Variants in CNTNAP2 observed in about 807,000 individuals in gnomAD.
CNTNAP2 encodes the protein contactin associated protein 2.
In CNTNAP2, 98 loss-of-function variants were observed where a neutral mutation model predicts 155.2. The ratio of observed to expected loss-of-function variants is 0.63; its 90% CI spans 0.54 to 0.75. The LOEUF is 0.75. CNTNAP2 is among the 30% of genes least tolerant of loss of function. The probability of loss-of-function intolerance (pLI) is 0.00; values close to 1 mark genes in which losing one functional copy is unlikely to be tolerated. For synonymous variants in CNTNAP2, 651 were observed against 631.2 expected (o/e 1.03, Z -0.47); for missense variants, 1,727 against 1,688.1 (o/e 1.02, Z -0.40).
At chr7:148,064,758 A>T (rs1585106401) in intron 15 of CNTNAP2, among the ~76,000 whole-genome samples, 1 of 150,780 alleles carries the variant, frequency 6.6e-6, no homozygotes, top group East Asian at 1.9e-4. Flanking sequence ...ACAAAACACT[A>T]CTATCTTTTG....
chr7:146,861,368 C>T (rs1259941821), intron 3 of CNTNAP2, among the ~76,000 whole-genome samples: 2 of 152,076 alleles, frequency 1.3e-5, no homozygotes, highest in African/African-American at 4.8e-5. Context: ...TTTTCTTGAA[C>T]ACATTTTAAA....
intron 1 of CNTNAP2, among the ~76,000 whole-genome samples, chr7:146,439,720 G>T (rs979756359): frequency 3.3e-5 from 5 of 151,440 alleles, no homozygotes; most frequent in Admixed American, 1.3e-4. Context: ...AGTCACAAAG[G>T]TTCCAACTTG....
intron 18 of CNTNAP2, among the ~76,000 whole-genome samples, chr7:148,184,559 C>T (rs970093925): frequency 3.3e-5 from 5 of 152,334 alleles, no homozygotes; most frequent in African/African-American, 1.2e-4. Flanking sequence ...TTATGTGAAT[C>T]ATTTCTCAGC....
intron 13 of CNTNAP2, among the ~76,000 whole-genome samples, chr7:147,886,525 TC>T (rs34705063): frequency 0.21 from 29,406 of 142,662 alleles, 3,837 homozygotes; most frequent in African/African-American, 0.36. Flanking sequence ...AATCTCTCTC[TC>T]TCTTGAAGTC....
At chr7:147,061,642 G>A (rs1351328482) in intron 4 of CNTNAP2, among the ~76,000 whole-genome samples, 2 of 152,092 alleles carry the variant, frequency 1.3e-5, no homozygotes, top group African/African-American at 4.8e-5. Flanking sequence ...CCTCCTCCAC[G>A]ATTCAGTGAT....
chr7:147,853,556 A>G (rs139793330), intron 13 of CNTNAP2, among the ~76,000 whole-genome samples: 83 of 152,306 alleles, frequency 5.4e-4, no homozygotes, highest in Non-Finnish European at 8.5e-4. Flanking sequence ...TAGAAGCTCG[A>G]TTATATATGT....
At chr7:146,960,576 T>A (rs1797536355) in intron 3 of CNTNAP2, among the ~76,000 whole-genome samples, 2 of 152,202 alleles carry the variant, frequency 1.3e-5, no homozygotes. Flanking sequence ...GCAGCAATTG[T>A]CATACAAGGC....
intron 1 of CNTNAP2, among the ~76,000 whole-genome samples, chr7:146,356,508 T>C (rs771314086): frequency 6.6e-6 from 1 of 152,090 alleles, no homozygotes; most frequent in Non-Finnish European, 1.5e-5. Flanking sequence ...CTCTCAAACA[T>C]TGACATGAGA....
intron 1 of CNTNAP2, among the ~76,000 whole-genome samples, chr7:146,455,291 C>T (rs1418678219): frequency 6.6e-6 from 1 of 152,170 alleles, no homozygotes; most frequent in Non-Finnish European, 1.5e-5. Context: ...TCTGAGATCA[C>T]TTTATTCTTG....
rs1799123740 is a variant in CNTNAP2 at position 146,216,910 on chromosome 7, T to C, written c.97+99937T>C. ...TGAGTCATCCATAAAACTGGCAGAATAAAACTTCAGGAGTGGCTGTTGTAA... is the reference window on the plus strand; with the variant it reads ...TGAGTCATCCATAAAACTGGCAGAACAAAACTTCAGGAGTGGCTGTTGTAA... On this transcript the variant is annotated intron_variant, in intron 1 of 23. Transcript: ENST00000361727. Among the ~76,000 whole-genome samples, 2 of 152,214 alleles carry C rather than the reference T, an allele frequency of 1.3e-5. 1 individual carries two copies. Among genetic ancestry groups the C allele is most frequent in the Non-Finnish European group, 2.9e-5 (2 of 68,022 alleles).
intron 13 of CNTNAP2, among the ~76,000 whole-genome samples, chr7:147,839,227 C>T (rs1171355646): frequency 6.6e-6 from 1 of 152,130 alleles, no homozygotes; most frequent in East Asian, 1.9e-4. Flanking sequence ...CTTCCCCAGT[C>T]CATTGACTCA....
intron 17 of CNTNAP2, among the ~76,000 whole-genome samples, chr7:148,164,544 C>T (rs1349595820): frequency 6.6e-6 from 1 of 151,456 alleles, no homozygotes; most frequent in African/African-American, 2.4e-5. Context: ...CCAGTCCAGA[C>T]ACAGCCCTCC....
At chr7:147,930,262 A>G (rs1449908508) in intron 14 of CNTNAP2, among the ~76,000 whole-genome samples, 1 of 152,026 alleles carries the variant, frequency 6.6e-6, no homozygotes. Flanking sequence ...AGACTCCCCA[A>G]TCAAAAGACA....
chr7:146,675,981 T>G (rs1353320897), intron 1 of CNTNAP2, among the ~76,000 whole-genome samples: 1 of 152,184 alleles, frequency 6.6e-6, no homozygotes. Context: ...GCTAGTTCAG[T>G]CACATAATGT....
intron 1 of CNTNAP2, among the ~76,000 whole-genome samples, chr7:146,547,881 G>A (rs948109288): frequency 4.7e-5 from 7 of 149,786 alleles, no homozygotes; most frequent in African/African-American, 7.4e-5. Flanking sequence ...TACGGTTTCC[G>A]TAGCAGCTGC....
At chr7:148,395,253 T>TCTAA (rs1799443354) in intron 22 of CNTNAP2, among the ~76,000 whole-genome samples, 1 of 151,772 alleles carries the variant, frequency 6.6e-6, no homozygotes, top group Non-Finnish European at 1.5e-5. Context: ...TTTGCTGGCC[T>TCTAA]CTAACTTTCT....
intron 15 of CNTNAP2, among the ~76,000 whole-genome samples, chr7:147,993,168 T>C (rs1801745872): frequency 6.6e-6 from 1 of 152,250 alleles, no homozygotes; most frequent in South Asian, 2.1e-4. Context: ...CCAAAGATAC[T>C]GAGTTTGCTC....
intron 1 of CNTNAP2, among the ~76,000 whole-genome samples, chr7:146,627,137 A>G (rs1489739538): frequency 6.6e-6 from 1 of 152,130 alleles, no homozygotes; most frequent in Non-Finnish European, 1.5e-5. Context: ...GAGAGCTTGT[A>G]CAGGGAAACT....
rs76172179 is a variant in CNTNAP2 at position 147,758,284 on chromosome 7, C to G, written c.2098+118978C>G. On this transcript the variant is annotated intron_variant, in intron 13 of 23. Transcript: ENST00000361727. ...GACACCTGTTAACTGTTTTACTTAT[C>G]TCACCGAAAATGTATCTCTTAAAAG... Among the ~76,000 whole-genome samples, 67 of 152,292 alleles carry G rather than the reference C, an allele frequency of 4.4e-4. No individual in the cohort carries two copies. The East Asian group carries it at 0.013, about 29-fold the overall frequency.
Sources: allele counts gnomAD v4.1 joint callset (sites outside exome capture counted in the v4.1 genomes callset), GRCh38; gene constraint gnomAD v4.1.1; transcripts MANE v1.5; gene names NCBI Gene and HGNC (gene_info 2026-07-23, HGNC 2026-07-21).